The following MMP20 variants were observed in gnomAD, a reference collection of about 807,000 sequenced individuals.
MMP20 encodes the protein matrix metalloproteinase-20.
A neutral mutation model predicts 51.8 loss-of-function variants in MMP20; 50 were observed. That is an observed-to-expected ratio of 0.97 (90% confidence interval 0.77 to 1.22). The LOEUF (loss-of-function observed/expected upper bound fraction) is 1.22. Among genes scored for constraint, MMP20 ranks in the 50% most tolerant of loss-of-function variants. The pLI, the probability that MMP20 is intolerant of heterozygous loss-of-function variation, is 0.00. For missense variants in MMP20, 663 were observed against 601.4 expected (o/e 1.10, Z -1.07); for synonymous variants, 244 against 216.2 (o/e 1.13, Z -1.13).
At chr11:102,603,414 G>A (rs756022294) in intron 6 of MMP20, among the ~76,000 whole-genome samples, 5 of 152,132 alleles carry the variant, frequency 3.3e-5, no homozygotes, top group Admixed American at 6.5e-5. Context: ...TAGGAGGCAG[G>A]GTAGTTAGGG....
At chr11:102,582,762 A>G (rs927497597) in intron 8 of MMP20, among the ~76,000 whole-genome samples, 1 of 152,234 alleles carries the variant, frequency 6.6e-6, no homozygotes, top group African/African-American at 2.4e-5. Flanking sequence ...TTCATACATA[A>G]TTACTTAAAA....
Position 102,609,359 on chromosome 11 carries a change from T to C in MMP20, c.650-261A>G, listed in dbSNP as rs143025760. 2.2e-3 allele frequency among the ~76,000 whole-genome samples: 332 copies of C among 152,296 alleles called. 2 individuals are homozygous for C. The highest frequency in any genetic ancestry group is 7.3e-3 in the African/African-American group (302 of 41,562). On this transcript the variant is annotated intron_variant, in intron 4 of 9. Transcript: ENST00000260228. ...TTTATTCATCATCAGTGATGTTTGG[T>C]AGACTGATAAAGCAGAGCCTTGGAA...
At chr11:102,597,528 C>T (rs1859396127) in intron 6 of MMP20, among the ~76,000 whole-genome samples, 1 of 152,118 alleles carries the variant, frequency 6.6e-6, no homozygotes, top group Non-Finnish European at 1.5e-5. Flanking sequence ...TTTTGGTTGT[C>T]ACAGGTGGGG....
intron 6 of MMP20, among the ~76,000 whole-genome samples, chr11:102,600,948 C>CT (rs1241287904): frequency 6.6e-6 from 1 of 152,030 alleles, no homozygotes; most frequent in Non-Finnish European, 1.5e-5. Flanking sequence ...AAAATACACC[C>CT]TTTTTTCCCA....
At chr11:102,591,635 AT>A (rs1309338659) in intron 8 of MMP20, among the ~76,000 whole-genome samples, 2 of 152,172 alleles carry the variant, frequency 1.3e-5, no homozygotes, top group African/African-American at 4.8e-5. Context: ...GCTTGTTAAC[AT>A]TTTAGTTAAT....
At position 102,577,089 on chromosome 11, in the gene MMP20, T is replaced by G; in HGVS notation, c.*237A>C. On this transcript the variant is annotated 3_prime_UTR_variant, in exon 10 of 10. Transcript: ENST00000260228. ...TAATGGTGTCTAACTGCAGAGTGCA[T>G]TGTGTTGATTTGGATTTCGCATAAA... 1 of 493,164 alleles carries G rather than the reference T, an allele frequency of 2.0e-6. No individual in the cohort carries two copies. Among genetic ancestry groups the G allele is most frequent in the Non-Finnish European group, 3.7e-6 (1 of 271,482 alleles). 30.5% of individuals were successfully genotyped at this position (493,164 alleles called of 1,614,324 possible). A position where few individuals can be genotyped will look rare whatever the true frequency, so the allele number is the denominator to read the frequency against.
chr11:102,582,718 T>TAGTA (rs971847571), intron 8 of MMP20, among the ~76,000 whole-genome samples: 4 of 152,142 alleles, frequency 2.6e-5, no homozygotes, highest in Non-Finnish European at 5.9e-5. Context: ...ATGTATCCTA[T>TAGTA]AGTATTAAGT....
chr11:102,590,782 A>C (rs947789340), intron 8 of MMP20, among the ~76,000 whole-genome samples: 1 of 152,168 alleles, frequency 6.6e-6, no homozygotes, highest in African/African-American at 2.4e-5. Flanking sequence ...TTACCTACAA[A>C]ACTTCATTTA....
chr11:102,589,833 T>C (rs1238178958), intron 8 of MMP20, among the ~76,000 whole-genome samples: 1 of 152,186 alleles, frequency 6.6e-6, no homozygotes, highest in East Asian at 1.9e-4. Flanking sequence ...TTGAACCCTA[T>C]TTCATCTTAT....
chr11:102,608,670 C>T (rs1470186789), intron 5 of MMP20, among the ~76,000 whole-genome samples: 1 of 140,486 alleles, frequency 7.1e-6, no homozygotes, highest in African/African-American at 2.6e-5. Flanking sequence ...TTCTAACCTG[C>T]ACTCAAAGGA....
At chr11:102,598,696 G>A (rs1218088352) in intron 6 of MMP20, among the ~76,000 whole-genome samples, 1 of 152,164 alleles carries the variant, frequency 6.6e-6, no homozygotes, top group African/African-American at 2.4e-5. Context: ...TCCTCCTCCA[G>A]CATCATGTAT....
intron 1 of MMP20, among the ~76,000 whole-genome samples, chr11:102,618,481 A>T (rs758968766): frequency 7.9e-5 from 12 of 151,798 alleles, no homozygotes; most frequent in South Asian, 6.2e-4. Context: ...GTCTGATGTC[A>T]GGGGATTTAT....
At chr11:102,578,018 C>G (rs1859146729) in intron 9 of MMP20, among the ~76,000 whole-genome samples, 1 of 143,350 alleles carries the variant, frequency 7.0e-6, no homozygotes, top group South Asian at 2.1e-4. Context: ...GAAGAGTGTG[C>G]TAACTGACTA....
Position 102,616,865 on chromosome 11 carries a change from A to G in MMP20, c.321T>C (p.Asn107=). ...KPRCGVPDVA[N]YRLFPGEPKW... The stretch of plus-strand genomic sequence containing the variant: ...TGGGTTCACCAGGGAAGAGGCGATA[A>G]TTGGCCACATCAGGAACTCCACAGC... The change falls in exon 2 of 10, where the codon AAT becomes AAC. Residue 107 remains asparagine (N), a synonymous_variant. Coordinates refer to ENST00000260228, the MANE Select transcript of MMP20 (RefSeq NM_004771.4). 6.2e-7 allele frequency: 1 copy of G among 1,614,184 alleles called. No homozygotes were observed. Among genetic ancestry groups the G allele is most frequent in the Non-Finnish European group, 8.5e-7 (1 of 1,180,034 alleles).
chr11:102,594,535 G>A (rs1033089413), intron 7 of MMP20, 86 bp downstream of exon 7: 37 of 1,559,494 alleles, frequency 2.4e-5, no homozygotes, highest in Non-Finnish European at 3.2e-5. Flanking sequence ...CATGATGACT[G>A]GAAAAATGCT....
chr11:102,609,845 T>C (rs1859572745), intron 4 of MMP20, 60 bp downstream of exon 4: 6 of 1,612,040 alleles, frequency 3.7e-6, no homozygotes, highest in Non-Finnish European at 5.1e-6. Flanking sequence ...CAAGGTTTCA[T>C]GATGGAGCCC....
Position 102,623,005 on chromosome 11 carries a change from C to T in MMP20, c.126+2189G>A, listed in dbSNP as rs75749128. On this transcript the variant is annotated intron_variant, in intron 1 of 9. Transcript: ENST00000260228. ...CCCTGCCCAGAGCTGAGGACCAGGG[C>T]CATTGCAAGCAAAGGTGCTGTGTGT... Among the ~76,000 whole-genome samples, 709 of 152,266 alleles carry T rather than the reference C, an allele frequency of 4.7e-3. 5 individuals carry two copies. The highest frequency in any genetic ancestry group is 0.031 in the Middle Eastern group (9 of 294).
chr11:102,624,086 A>G (rs1276276604), intron 1 of MMP20, among the ~76,000 whole-genome samples: 1 of 152,210 alleles, frequency 6.6e-6, no homozygotes, highest in Non-Finnish European at 1.5e-5. Flanking sequence ...TGGCCGGGGA[A>G]CTGACCAGTT....
chr11:102,578,793 A>AC (rs1234597289), intron 9 of MMP20, among the ~76,000 whole-genome samples: 10 of 72,826 alleles, frequency 1.4e-4, no homozygotes, highest in East Asian at 1.0e-3. Flanking sequence ...ACACACACAC[A>AC]AAAACAAAAA....
Sources: allele counts gnomAD v4.1 joint callset (sites outside exome capture counted in the v4.1 genomes callset), GRCh38; gene constraint gnomAD v4.1.1; transcripts MANE v1.5; gene names NCBI Gene and HGNC (gene_info 2026-07-23, HGNC 2026-07-21).